Variants in TSC22D2 observed in about 807,000 individuals in gnomAD.
TSC22D2 encodes the protein TSC22 domain family protein 2.
TSC22D2 carries 5 observed loss-of-function variants against 50.1 expected under a neutral mutation model. That is an observed-to-expected ratio of 0.10 (90% confidence interval 0.05 to 0.21). TSC22D2 has a LOEUF of 0.21. Ranked by LOEUF, TSC22D2 falls within the 10% of genes least tolerant of loss-of-function variation. The pLI is 1.00. For synonymous variants in TSC22D2, 501 were observed against 450.1 expected, an observed-to-expected ratio of 1.11 and a Z score of -1.43; for missense variants, 1,003 against 1,015.5, an observed-to-expected ratio of 0.99 and a Z score of 0.17.
At chr3:150,418,555 A>T (rs1719901590) in intron 1 of TSC22D2, among the ~76,000 whole-genome samples, 1 of 151,816 alleles carries the variant, frequency 6.6e-6, no homozygotes, top group Admixed American at 6.6e-5. Context: ...TTTGAGGCTA[A>T]CTCTTGAACT....
rs965637516 is a variant in TSC22D2 at position 150,411,262 on chromosome 3, A to G, written c.1912A>G (p.Thr638Ala). ...LQLTPMNSLA[T>A]SVFSIAIPVD... ...GTTAACACCTATGAACAGTCTGGCC[A>G]CCTCTGTATTCAGCATAGCTATTCC... is the stretch of plus-strand genomic sequence containing the variant. The change falls in exon 1 of 3, where the codon ACC becomes GCC. Residue 638 changes from threonine (T) to alanine (A), a missense_variant. Thr to Ala is a moderately conservative substitution (Grantham distance 58). Around this residue, in one of 6 missense-constraint regions of TSC22D2, gnomAD observed 696 missense variants for 647.8 expected, o/e 1.07. Transcript: ENST00000688009. The G allele has an allele frequency of 3.1e-6, 5 of 1,614,026 alleles. No individual in the cohort carries two copies. Among genetic ancestry groups the G allele is most frequent in the Admixed American group, 1.7e-5 (1 of 60,006 alleles).
chr3:150,448,453 C>T (rs1313832810), intron 1 of TSC22D2, among the ~76,000 whole-genome samples: 1 of 152,134 alleles, frequency 6.6e-6, no homozygotes, highest in Non-Finnish European at 1.5e-5. Flanking sequence ...CACTGCACTC[C>T]AGCCTGGGCA....
In TSC22D2 at chr3:150,462,639, CTTT is replaced by C. The variant is rs59588626; in HGVS notation, c.*4016_*4018del. ...TGCCTATTTTCTTTTTTTCTTTTTT[CTTT>C]TTTTTTTTTTTTGAGACAGAGTCTT... is the stretch of plus-strand genomic sequence containing the variant. On this transcript the variant is annotated 3_prime_UTR_variant, in exon 3 of 3. Coordinates refer to ENST00000688009, the MANE Select transcript of TSC22D2 (RefSeq NM_001303264.2). 5.3e-5 allele frequency: 7 copies of C among 133,100 alleles called. No individual in the cohort carries two copies. Among genetic ancestry groups the C allele is most frequent in the East Asian group, 2.2e-4 (1 of 4,638 alleles). The allele number at this position is 133,100 out of a possible 1,614,324, so 8.2% of individuals were successfully genotyped here.
At chr3:150,458,293 A>G (rs1721258650) in intron 2 of TSC22D2, 83 bp from the exon 3 acceptor site, 3 of 1,413,330 alleles carry the variant, frequency 2.1e-6, no homozygotes, top group Non-Finnish European at 1.9e-6. Context: ...TAGTATAAAA[A>G]CTTAGCACCA....
chr3:150,434,676 C>G (rs560655207), intron 1 of TSC22D2, among the ~76,000 whole-genome samples: 1 of 152,192 alleles, frequency 6.6e-6, no homozygotes, highest in South Asian at 2.1e-4. Context: ...AGCCTGTCTT[C>G]TTAGAGCTGT....
intron 1 of TSC22D2, 151 bp downstream of exon 1, chr3:150,411,459 T>A: frequency 1.2e-6 from 1 of 830,066 alleles, no homozygotes; most frequent in Non-Finnish European, 1.8e-6. Flanking sequence ...AGATTGCTGA[T>A]GCTGATGTCA....
chr3:150,441,100 A>G (rs9865031), intron 1 of TSC22D2, among the ~76,000 whole-genome samples: 56,790 of 149,920 alleles, frequency 0.38, 11,174 homozygotes, highest in Middle Eastern at 0.54. Flanking sequence ...TTGTACCCCA[A>G]CTTCTGTAGT....
At position 150,410,222 on chromosome 3, in the gene TSC22D2, C is replaced by T. The variant is rs370843923; in HGVS notation, c.872C>T (p.Pro291Leu). Residue 291 changes from proline (P) to leucine (L), a missense_variant, in exon 1 of 3, where the codon CCG becomes CTG. This residue lies in a region of TSC22D2 where 696 missense variants were observed against 647.8 expected (regional missense o/e 1.07). Transcript: ENST00000688009. ...VGGAVAQSSA[P>L]LPPFPGAATG... ...GGGGCTGTGGCTCAAAGCTCGGCTC[C>T]GCTGCCGCCGTTCCCGGGAGCCGCG... is the stretch of plus-strand genomic sequence containing the variant. 6.9e-4 allele frequency: 1,091 copies of T among 1,574,558 alleles called. No homozygotes were observed. The highest frequency in any genetic ancestry group is 8.3e-4 in the Non-Finnish European group (967 of 1,160,546).
Position 150,409,687 on chromosome 3 carries a change from G to T in TSC22D2, c.337G>T (p.Val113Leu). ...AGGAGGAGTCGTTTCGGCCCGGAGC[G>T]TGTCTGGGGCGCTCGCCAGTACCCT... The part of the protein sequence containing the change: ...NGGGVVSARS[V>L]SGALASTLAA... The change falls in exon 1 of 3, where the codon GTG (valine) becomes TTG (leucine). Residue 113 changes from valine (V) to leucine (L), a missense_variant. Physicochemically the swap from Val to Leu is conservative, Grantham distance 32. Transcript: ENST00000688009. The surrounding 1 kb of genome is among the most constrained non-coding windows in gnomAD (Gnocchi z 7.4). 6.3e-7 allele frequency: 1 copy of T among 1,588,892 alleles called. No homozygotes were observed.
At chr3:150,449,444 G>A (rs1475633039) in intron 1 of TSC22D2, among the ~76,000 whole-genome samples, 4 of 152,088 alleles carry the variant, frequency 2.6e-5, no homozygotes, top group Non-Finnish European at 5.9e-5. Flanking sequence ...TTCTTTATGT[G>A]TATATAAGCA....
At position 150,409,861 on chromosome 3, in the gene TSC22D2, A is replaced by G; in HGVS notation, c.511A>G (p.Ser171Gly). 6.2e-7 allele frequency: 1 copy of G among 1,610,940 alleles called. No individual in the cohort carries two copies. The highest frequency in any genetic ancestry group is 8.5e-7 in the Non-Finnish European group (1 of 1,180,014). The change falls in exon 1 of 3, where the codon AGC becomes GGC. Residue 171 changes from serine to glycine, a missense_variant. This residue lies in a region of TSC22D2 where 19 missense variants were observed against 41.3 expected (regional missense o/e 0.46). Transcript: ENST00000688009. The surrounding 1 kb of genome is among the most constrained non-coding windows in gnomAD (Gnocchi z 7.4). ...RFRVIKLDHGSGEPYRRGRWT... is the reference protein window; with the variant it reads ...RFRVIKLDHGGGEPYRRGRWT... Reference sequence around the variant, plus strand: ...TCGCGTGATCAAGCTGGACCACGGGAGCGGAGAGCCCTATAGACGCGGCCG... The same window carrying G: ...TCGCGTGATCAAGCTGGACCACGGGGGCGGAGAGCCCTATAGACGCGGCCG...
At chr3:150,420,175 A>G (rs1393348708) in intron 1 of TSC22D2, among the ~76,000 whole-genome samples, 1 of 152,188 alleles carries the variant, frequency 6.6e-6, no homozygotes, top group Non-Finnish European at 1.5e-5. Context: ...CTGATGATCA[A>G]GCCTTTCAAT....
At chr3:150,444,943 C>T (rs1487416329) in intron 1 of TSC22D2, among the ~76,000 whole-genome samples, 3 of 151,994 alleles carry the variant, frequency 2.0e-5, no homozygotes, top group Non-Finnish European at 2.9e-5. Context: ...GCAAACAACA[C>T]GTTATACCAC....
chr3:150,443,149 G>C (rs1382493348), intron 1 of TSC22D2, among the ~76,000 whole-genome samples: 1 of 152,150 alleles, frequency 6.6e-6, no homozygotes, highest in African/African-American at 2.4e-5. Flanking sequence ...TCCAGCCTCT[G>C]AATACCTCCA....
intron 1 of TSC22D2, among the ~76,000 whole-genome samples, chr3:150,439,840 A>T (rs1287472874): frequency 1.3e-5 from 2 of 152,174 alleles, no homozygotes; most frequent in African/African-American, 2.4e-5. Flanking sequence ...ACTGATGTTT[A>T]TTCAATGCTG....
rs1199280127 is a variant in TSC22D2, at chr3:150,460,048, G to T, written c.*1412G>T. On this transcript the variant is annotated 3_prime_UTR_variant, in exon 3 of 3. Transcript: ENST00000688009. ...CATTTTGTGTATACTAACACATTAA[G>T]TGTATGTCAGAAATTGATGTATAAA... The T allele has an allele frequency of 2.6e-5, 4 of 152,064 alleles. No individual in the cohort carries two copies. The highest frequency in any genetic ancestry group is 9.7e-5 in the African/African-American group (4 of 41,404). The allele number at this position is 152,064 out of a possible 1,614,324, so 9.4% of individuals were successfully genotyped here. A position where few individuals can be genotyped will look rare whatever the true frequency, so the allele number is the denominator to read the frequency against.
Position 150,459,572 on chromosome 3 carries a change from G to GTTTTTTTTTTTTTTGTT in TSC22D2, c.*949_*950insTGTTTTTTTTTTTTTTT, listed in dbSNP as rs11330414. On this transcript the variant is annotated 3_prime_UTR_variant, in exon 3 of 3. Transcript: ENST00000688009. Reference sequence around the variant, plus strand: ...TAATGGAGTTTGGTTTTTTTTTGTTGTTTTTTTTTTTTTGTCTTTTTTTTT... The same window carrying GTTTTTTTTTTTTTTGTT: ...TAATGGAGTTTGGTTTTTTTTTGTTGTTTTTTTTTTTTTTGTTTTTTTTTTTTTTTGTCTTTTTTTTT... 3 of 115,556 alleles carry GTTTTTTTTTTTTTTGTT rather than the reference G, an allele frequency of 2.6e-5. No individual in the cohort carries two copies. The highest frequency in any genetic ancestry group is 3.6e-5 in the Non-Finnish European group (2 of 55,826). 7.2% of individuals were successfully genotyped at this position (115,556 alleles called of 1,614,324 possible). A position where few individuals can be genotyped will look rare whatever the true frequency, so the allele number is the denominator to read the frequency against.
intron 1 of TSC22D2, among the ~76,000 whole-genome samples, chr3:150,434,016 A>ACAAC (rs1720458056): frequency 6.6e-6 from 1 of 152,236 alleles, no homozygotes; most frequent in African/African-American, 2.4e-5. Flanking sequence ...TAGAGGTTGC[A>ACAAC]GGGAGCCGAG....
chr3:150,411,575 C>T (rs1719571725), intron 1 of TSC22D2, among the ~76,000 whole-genome samples: 1 of 152,192 alleles, frequency 6.6e-6, no homozygotes, highest in Non-Finnish European at 1.5e-5. Flanking sequence ...AAGCTTAATG[C>T]TTACCATTTA....
Sources: allele counts gnomAD v4.1 joint callset (sites outside exome capture counted in the v4.1 genomes callset), GRCh38; gene constraint gnomAD v4.1.1; regional missense constraint gnomAD v4.1.1; non-coding constraint Gnocchi (gnomAD v3.1); transcripts MANE v1.5; gene names NCBI Gene and HGNC (gene_info 2026-07-23, HGNC 2026-07-21).